The following SLCO1A2 variants were observed in gnomAD, a reference collection of about 807,000 sequenced individuals.
SLCO1A2 encodes the protein OATP-1.
SLCO1A2 carries 67 observed loss-of-function variants against 69.0 expected under a neutral mutation model. The observed-to-expected ratio is 0.97, with a 90% CI of 0.80 to 1.19. The LOEUF (loss-of-function observed/expected upper bound fraction) is 1.19. Among genes scored for constraint, SLCO1A2 ranks in the 50% most tolerant of loss-of-function variants. The pLI is 0.00. For synonymous variants in SLCO1A2, 260 were observed against 265.9 expected, an observed-to-expected ratio of 0.98 and a Z score of 0.22; for missense variants, 787 against 793.7, an observed-to-expected ratio of 0.99 and a Z score of 0.10.
chr12:21,314,813 T>A, intron 3 of SLCO1A2, 132 bp from the exon 4 acceptor site: 1 of 716,932 alleles, frequency 1.4e-6, no homozygotes, highest in Non-Finnish European at 2.3e-6. Flanking sequence ...GTGCTAGGGT[T>A]GCATTAAATA....
intron 2 of SLCO1A2, among the ~76,000 whole-genome samples, chr12:21,332,422 G>T (rs1261278778): frequency 6.6e-6 from 1 of 152,090 alleles, no homozygotes; most frequent in Non-Finnish European, 1.5e-5. Flanking sequence ...AGGCTTCATA[G>T]AGAATGGATA....
chr12:21,392,258 C>A (rs1941196026), intron 1 of SLCO1A2, among the ~76,000 whole-genome samples: 1 of 152,182 alleles, frequency 6.6e-6, no homozygotes. Context: ...ATCACCACTC[C>A]ATATGATCCA....
At chr12:21,319,652 A>C (rs766255726) in intron 2 of SLCO1A2, 64 of 364,898 alleles carry the variant, frequency 1.8e-4, no homozygotes, top group Non-Finnish European at 3.3e-4. Context: ...AACCTTGGAG[A>C]ATCAGCTCAC....
chr12:21,407,378 C>T (rs529214616), intron 1 of SLCO1A2, among the ~76,000 whole-genome samples: 48 of 152,142 alleles, frequency 3.2e-4, no homozygotes, highest in Non-Finnish European at 5.7e-4. Context: ...GCAGTTGGAG[C>T]GTTGAGCAGA....
intron 2 of SLCO1A2, among the ~76,000 whole-genome samples, chr12:21,321,637 G>A (rs1175933453): frequency 6.6e-6 from 1 of 152,232 alleles, no homozygotes; most frequent in Non-Finnish European, 1.5e-5. Context: ...ACATGTAGCT[G>A]TGTTAATTAA....
chr12:21,382,824 GA>G (rs1210790773), intron 1 of SLCO1A2, among the ~76,000 whole-genome samples: 2 of 149,494 alleles, frequency 1.3e-5, no homozygotes, highest in Non-Finnish European at 3.0e-5. Flanking sequence ...GAAAAGAAAC[GA>G]AAAAAGAAAG....
rs1001787635 is a variant in SLCO1A2 at position 21,271,895 on chromosome 12, T to G, written c.1794-2128A>C. Among the ~76,000 whole-genome samples, 22 of 149,996 alleles carry G rather than the reference T, an allele frequency of 1.5e-4. 1 individual carries two copies. The highest frequency in any genetic ancestry group is 5.1e-4 in the African/African-American group (21 of 41,214). ...ATATATACATATGTGTATATATATT[T>G]ATACATTTAAAGCTCTAAAAATCCC... On this transcript the variant is annotated intron_variant, in intron 14 of 14. Coordinates refer to ENST00000683939, the MANE Select transcript of SLCO1A2 (RefSeq NM_001386879.1).
chr12:21,378,334 C>T (rs1336461178), intron 1 of SLCO1A2: 1 of 1,614,108 alleles, frequency 6.2e-7, no homozygotes, highest in South Asian at 1.1e-5. Context: ...TGGTGCCATT[C>T]TCTCATCTAC....
At chr12:21,307,164 A>G (rs1591822244) in intron 4 of SLCO1A2, among the ~76,000 whole-genome samples, 176 bp from the exon 5 acceptor site, 1 of 152,174 alleles carries the variant, frequency 6.6e-6, no homozygotes, top group African/African-American at 2.4e-5. Flanking sequence ...AAAACTTGCC[A>G]CTTTCTGTAA....
intron 2 of SLCO1A2, among the ~76,000 whole-genome samples, chr12:21,323,215 T>C (rs150583991): frequency 1.1e-4 from 16 of 152,332 alleles, no homozygotes; most frequent in African/African-American, 2.9e-4. Flanking sequence ...TATGGACTTA[T>C]AGCAATTAGC....
intron 1 of SLCO1A2, among the ~76,000 whole-genome samples, chr12:21,383,247 T>C (rs1940699732): frequency 6.6e-6 from 1 of 152,178 alleles, no homozygotes; most frequent in African/African-American, 2.4e-5. Context: ...TTTTTTTTCT[T>C]CCAAAATCCA....
intron 2 of SLCO1A2, among the ~76,000 whole-genome samples, chr12:21,360,115 C>G (rs1255355313): frequency 2.0e-5 from 3 of 151,820 alleles, no homozygotes; most frequent in African/African-American, 7.3e-5. Context: ...AAACACACAG[C>G]AGCAGTTACC....
At chr12:21,418,935 GAAT>G (rs1394749605), upstream of SLCO1A2, among the ~76,000 whole-genome samples, 2 of 152,032 alleles carry the variant, frequency 1.3e-5, no homozygotes, top group Admixed American at 6.6e-5. Context: ...AAAAAATTAA[GAAT>G]AATATTTAGT....
Position 21,306,943 on chromosome 12 carries a change from T to C in SLCO1A2, c.381A>G (p.Ser127=), listed in dbSNP as rs1306191516. ...CATTTTCCATACACAAGAAACTGTT[T>C]GAGGACAAGTTGCCTGAAACTGAAA... ...STVSVSGNLS[S]NSFLCMENGT... The change falls in exon 5 of 15, where the codon TCA becomes TCG. Residue 127 remains serine (S), a synonymous_variant. Coordinates refer to ENST00000683939, the MANE Select transcript of SLCO1A2 (RefSeq NM_001386879.1). The C allele has an allele frequency of 2.5e-6, 4 of 1,613,812 alleles. No homozygotes were observed. Among genetic ancestry groups the C allele is most frequent in the Middle Eastern group, 1.7e-4 (1 of 6,058 alleles).
chr12:21,264,907 TG>T lies in SLCO1A2; in HGVS notation c.*4640del. ...GAAGGGGCAGAAGTGTGCAGAGGTG[TG>T]GGGAATGGTGACAATGGAGGCACTG... is the stretch of plus-strand genomic sequence containing the variant. On this transcript the variant is annotated 3_prime_UTR_variant, in exon 15 of 15. Coordinates refer to ENST00000683939, the MANE Select transcript of SLCO1A2 (RefSeq NM_001386879.1). 1 of 152,502 alleles carries T rather than the reference TG, an allele frequency of 6.6e-6. No individual in the cohort carries two copies. Among genetic ancestry groups the T allele is most frequent in the Non-Finnish European group, 1.5e-5 (1 of 68,256 alleles). The allele number at this position is 152,502 out of a possible 1,614,324, so 9.4% of individuals were successfully genotyped here.
At chr12:21,271,982 A>G (rs1942960363) in intron 14 of SLCO1A2, among the ~76,000 whole-genome samples, 1 of 151,288 alleles carries the variant, frequency 6.6e-6, no homozygotes, top group South Asian at 2.1e-4. Context: ...TTTCATTGAC[A>G]TACAGTTCTA....
At chr12:21,314,003 A>G (rs970193466) in intron 4 of SLCO1A2, among the ~76,000 whole-genome samples, 8 of 151,556 alleles carry the variant, frequency 5.3e-5, no homozygotes, top group African/African-American at 1.9e-4. Context: ...AACAGAAAAA[A>G]AAGAAAGAAA....
intron 2 of SLCO1A2, among the ~76,000 whole-genome samples, chr12:21,347,730 G>A (rs1355712666): frequency 7.6e-6 from 1 of 131,744 alleles, no homozygotes; most frequent in Non-Finnish European, 1.7e-5. Context: ...AGGGAAGCTG[G>A]GGAAAACTGA....
At chr12:21,295,536 T>TA (rs771772661) in intron 10 of SLCO1A2, 61 bp downstream of exon 10, 5 of 1,097,490 alleles carry the variant, frequency 4.6e-6, no homozygotes, top group South Asian at 2.8e-5. Flanking sequence ...ATTGCCATTG[T>TA]AAAAAATATC....
Sources: allele counts gnomAD v4.1 joint callset (sites outside exome capture counted in the v4.1 genomes callset), GRCh38; gene constraint gnomAD v4.1.1; transcripts MANE v1.5; gene names NCBI Gene and HGNC (gene_info 2026-07-23, HGNC 2026-07-21).